Variants in ATP6V0A2 observed in about 807,000 individuals in gnomAD.
ATP6V0A2 encodes ATPase H+ transporting V0 subunit a2.
Under a neutral mutation model 104.4 loss-of-function variants are expected in ATP6V0A2, and 58 were observed. The observed-to-expected ratio is 0.56, with a 90% confidence interval of 0.45 to 0.69. ATP6V0A2 has a LOEUF of 0.69. Ranked by LOEUF, ATP6V0A2 falls within the 30% of genes least tolerant of loss-of-function variation. The pLI is 0.00. For synonymous variants in ATP6V0A2, 376 were observed against 397.9 expected, an observed-to-expected ratio of 0.95 and a Z score of 0.65; for missense variants, 938 against 1,062.9, an observed-to-expected ratio of 0.88 and a Z score of 1.63.
intron 6 of ATP6V0A2, chr12:123,733,156 A>G (rs1956518992): frequency 6.6e-6 from 1 of 152,094 alleles, no homozygotes; most frequent in South Asian, 2.1e-4. Flanking sequence ...TCTACTAAAA[A>G]TACAAAATTA....
At chr12:123,728,745 G>A (rs1246887464) in intron 6 of ATP6V0A2, among the ~76,000 whole-genome samples, 3 of 152,218 alleles carry the variant, frequency 2.0e-5, no homozygotes, top group South Asian at 2.1e-4. Context: ...TCATTGCACC[G>A]TCAGGTGCCA....
At chr12:123,718,999 A>G (rs1316700245) in intron 2 of ATP6V0A2, among the ~76,000 whole-genome samples, 1 of 152,166 alleles carries the variant, frequency 6.6e-6, no homozygotes, top group South Asian at 2.1e-4. Context: ...ATATTTACCC[A>G]TCATCGTTTT....
In ATP6V0A2 at chr12:123,720,866, T is replaced by C. The variant is rs117775502; in HGVS notation, c.197-1485T>C. Among the ~76,000 whole-genome samples, 156 of 152,098 alleles carry C rather than the reference T, an allele frequency of 1.0e-3. 2 individuals carry two copies. In the East Asian group the frequency reaches 0.025, roughly 24 times the overall value. Reference sequence around the variant, plus strand: ...GGCAACATAGTGAGACCCCTGTCTCTTAAAAAAAAAAAGAATAAATTGAAG... The same window carrying C: ...GGCAACATAGTGAGACCCCTGTCTCCTAAAAAAAAAAAGAATAAATTGAAG... On this transcript the variant is annotated intron_variant, in intron 2 of 19. Coordinates refer to ENST00000330342, the MANE Select transcript of ATP6V0A2 (RefSeq NM_012463.4).
chr12:123,722,384 T>G lies in ATP6V0A2; in HGVS notation c.230T>G (p.Ile77Ser), dbSNP rs755687004. 39 of 1,611,764 alleles carry G rather than the reference T, an allele frequency of 2.4e-5. No individual in the cohort carries two copies. The highest frequency in any genetic ancestry group is 4.2e-6 in the Non-Finnish European group (5 of 1,177,908). The part of the protein sequence containing the change: ...YLVQEINRAD[I>S]PLPEGEASPP... Reference sequence around the variant, plus strand: ...GTACAGGAAATTAATAGAGCTGATATTCCCCTTCCTGAAGGAGAGGCCAGC... The same window carrying G: ...GTACAGGAAATTAATAGAGCTGATAGTCCCCTTCCTGAAGGAGAGGCCAGC... Residue 77 changes from isoleucine (I) to serine (S), a missense_variant, in exon 3 of 20, where the codon ATT (isoleucine) becomes AGT (serine). By Grantham distance (142) the Ile-to-Ser change is moderately radical (BLOSUM62 -2). Transcript: ENST00000330342.
intron 9 of ATP6V0A2, among the ~76,000 whole-genome samples, chr12:123,741,502 C>T (rs773720512): frequency 1.3e-5 from 2 of 152,108 alleles, no homozygotes; most frequent in Admixed American, 6.6e-5. Context: ...TGGTAATGGT[C>T]GTAGCTCACT....
chr12:123,733,453 A>G (rs1466430604), intron 6 of ATP6V0A2: 1 of 156,400 alleles, frequency 6.4e-6, no homozygotes, highest in Non-Finnish European at 1.4e-5. Flanking sequence ...GCCCGAACGA[A>G]GTGTCCCTAA....
chr12:123,728,192 A>G (rs866214145), intron 6 of ATP6V0A2, among the ~76,000 whole-genome samples: 1 of 152,226 alleles, frequency 6.6e-6, no homozygotes, highest in African/African-American at 2.4e-5. Context: ...TGGTCAAAGC[A>G]AAGAATGTAA....
intron 7 of ATP6V0A2, among the ~76,000 whole-genome samples, chr12:123,734,573 C>T (rs989598135): frequency 2.0e-5 from 3 of 152,352 alleles, no homozygotes; most frequent in Non-Finnish European, 4.4e-5. Context: ...AGGTAAAAGA[C>T]ATCAGTTCGG....
chr12:123,724,700 A>G lies in ATP6V0A2; in HGVS notation c.341A>G (p.Asn114Ser). Residue 114 changes from asparagine (N) to serine (S), a missense_variant, in exon 4 of 20, where the codon AAC (asparagine) becomes AGC (serine). By Grantham distance (46) the Asn-to-Ser change is conservative (BLOSUM62 1). Transcript: ENST00000330342. ...GTTGAACTGAGAGAAGTCACTAAGA[A>G]CAAGGAGAAACTGAGGAAAAACTTG... ...LEVELREVTK[N>S]KEKLRKNLLE... 8.7e-6 allele frequency: 14 copies of G among 1,613,968 alleles called. No homozygotes were observed. Among genetic ancestry groups the G allele is most frequent in the Non-Finnish European group, 1.2e-5 (14 of 1,179,918 alleles).
intron 9 of ATP6V0A2, among the ~76,000 whole-genome samples, chr12:123,743,187 C>T (rs552223278): frequency 5.2e-4 from 79 of 152,290 alleles, no homozygotes; most frequent in African/African-American, 1.8e-3. Context: ...TCACTTCCGG[C>T]GCATTCAGTC....
In ATP6V0A2 at chr12:123,726,302, G is replaced by A. The variant is rs192339944; in HGVS notation, c.521+17G>A. 26 of 1,590,814 alleles carry A rather than the reference G, an allele frequency of 1.6e-5. No homozygotes were observed. The highest frequency in any genetic ancestry group is 6.7e-5 in the Admixed American group (4 of 59,980). On this transcript the variant is annotated intron_variant, in intron 5 of 19. Coordinates refer to ENST00000330342, the MANE Select transcript of ATP6V0A2 (RefSeq NM_012463.4). ...AAAACTGGGGTAGGTGACAAGGCCT[G>A]GGGTGTCAGGCTTCATACTGCCCTT...
At chr12:123,757,039 C>T (rs1168350203) in intron 19 of ATP6V0A2, 53 bp downstream of exon 19, 1 of 1,592,344 alleles carries the variant, frequency 6.3e-7, no homozygotes, top group East Asian at 2.2e-5. Context: ...TACCCGCCCC[C>T]CCACTGCCCC....
chr12:123,728,534 C>T (rs866247346), intron 6 of ATP6V0A2, among the ~76,000 whole-genome samples: 2 of 129,180 alleles, frequency 1.5e-5, no homozygotes, highest in South Asian at 2.6e-4. Flanking sequence ...CTGTGCCAGG[C>T]CTGTCCTGTC....
chr12:123,737,150 A>C lies in ATP6V0A2; in HGVS notation c.917A>C (p.Lys306Thr), dbSNP rs1956562545. The change falls in exon 9 of 20, where the codon AAG becomes ACG. Residue 306 changes from lysine to threonine, a missense_variant. Physicochemically the swap from Lys to Thr is moderately conservative, Grantham distance 78 (BLOSUM62 -1). Coordinates refer to ENST00000330342, the MANE Select transcript of ATP6V0A2 (RefSeq NM_012463.4). ...CGTGTGATCCAGGTGAAGAAAATGA[A>C]GGCCATCTATCACATGCTGAACATG... is the stretch of plus-strand genomic sequence containing the variant. ...YSRVIQVKKM[K>T]AIYHMLNMCS... The C allele has an allele frequency of 1.9e-6, 3 of 1,614,064 alleles. No individual in the cohort carries two copies. Among genetic ancestry groups the C allele is most frequent in the Non-Finnish European group, 2.5e-6 (3 of 1,180,034 alleles).
In ATP6V0A2 at chr12:123,754,488, C is replaced by A. The variant is rs759226841; in HGVS notation, c.2244C>A (p.Ser748=). 78 of 1,614,058 alleles carry A rather than the reference C, an allele frequency of 4.8e-5. No individual in the cohort carries two copies. Among genetic ancestry groups the A allele is most frequent in the Non-Finnish European group, 6.4e-5 (75 of 1,180,034 alleles). Residue 748 remains serine (S), a synonymous_variant, in exon 18 of 20, where the codon TCC becomes TCA. Transcript: ENST00000330342. ...TCGAGTACTGTCTGGGATGCATCTCCAACACCGCCTCCTACCTGAGGCTCT... is the reference window on the plus strand; with the variant it reads ...TCGAGTACTGTCTGGGATGCATCTCAAACACCGCCTCCTACCTGAGGCTCT... The part of the protein sequence containing the change: ...HSIEYCLGCI[S]NTASYLRLWA...
intron 17 of ATP6V0A2, among the ~76,000 whole-genome samples, chr12:123,753,394 G>C (rs1299209163): frequency 6.6e-6 from 1 of 152,260 alleles, no homozygotes; most frequent in Non-Finnish European, 1.5e-5. Flanking sequence ...CACAGCCCCG[G>C]AGGCTGGCAG....
intron 9 of ATP6V0A2, among the ~76,000 whole-genome samples, chr12:123,739,788 T>TC (rs1482210400): frequency 1.4e-4 from 21 of 151,940 alleles, no homozygotes; most frequent in Admixed American, 1.4e-3. Flanking sequence ...CTCATTTTTT[T>TC]CCCCCTTGAG....
chr12:123,747,860 A>G (rs1956677213), intron 14 of ATP6V0A2, 135 bp downstream of exon 14: 1 of 658,006 alleles, frequency 1.5e-6, no homozygotes, highest in Admixed American at 2.7e-5. Flanking sequence ...ATTCTGTTGA[A>G]GTTATTTAGA....
Position 123,727,953 on chromosome 12 carries a change from A to C in ATP6V0A2, c.648+44A>C, listed in dbSNP as rs749818432. The C allele has an allele frequency of 3.1e-6, 5 of 1,613,664 alleles. No individual in the cohort carries two copies. In the Admixed American group the frequency reaches 8.3e-5, roughly 27 times the overall value. ...CACCTTTTAGCAATGACGGACTAACAGCAGAGTTGGAGATATGGTAGAAAG... is the reference window on the plus strand; with the variant it reads ...CACCTTTTAGCAATGACGGACTAACCGCAGAGTTGGAGATATGGTAGAAAG... On this transcript the variant is annotated intron_variant, in intron 6 of 19. Transcript: ENST00000330342.
Sources: allele counts gnomAD v4.1 joint callset (sites outside exome capture counted in the v4.1 genomes callset), GRCh38; gene constraint gnomAD v4.1.1; transcripts MANE v1.5; gene names NCBI Gene and HGNC (gene_info 2026-07-23, HGNC 2026-07-21).